Variants in ADAMTS3 observed in about 807,000 individuals in gnomAD.
ADAMTS3 encodes ADAM metallopeptidase with thrombospondin type 1 motif 3, also known as A disintegrin and metalloproteinase with thrombospondin motifs 3.
A neutral mutation model predicts 129.0 loss-of-function variants in ADAMTS3; 73 were observed. That is an observed-to-expected ratio of 0.57 (90% CI 0.47 to 0.69). The LOEUF is 0.69. Among genes scored for constraint, ADAMTS3 ranks in the 30% least tolerant of loss-of-function variants. The pLI is 0.00. For synonymous variants in ADAMTS3, 477 were observed against 510.8 expected (o/e 0.93, Z 0.89); for missense variants, 1,457 against 1,514.5 (o/e 0.96, Z 0.63).
intron 11 of ADAMTS3, among the ~76,000 whole-genome samples, chr4:72,314,586 T>C (rs1467513758): frequency 3.3e-5 from 5 of 152,322 alleles, no homozygotes. Context: ...TCAACTTCTA[T>C]AAATTTCAAT....
intron 3 of ADAMTS3, among the ~76,000 whole-genome samples, chr4:72,467,472 A>C (rs1718953005): frequency 6.6e-6 from 1 of 152,076 alleles, no homozygotes; most frequent in South Asian, 2.1e-4. Context: ...GCTTGTTAAT[A>C]TACATTCAAG....
intron 3 of ADAMTS3, among the ~76,000 whole-genome samples, chr4:72,518,944 A>G (rs1473714051): frequency 6.6e-6 from 1 of 152,066 alleles, no homozygotes; most frequent in Non-Finnish European, 1.5e-5. Flanking sequence ...AATGGTCTTT[A>G]CATTTTGGCA....
chr4:72,534,113 G>A (rs563378658), intron 3 of ADAMTS3, among the ~76,000 whole-genome samples: 83 of 152,270 alleles, frequency 5.5e-4, no homozygotes, highest in African/African-American at 1.9e-3. Context: ...GGATCGCGAG[G>A]TCGAGAGATC....
At chr4:72,363,102 G>A (rs1720770469) in intron 4 of ADAMTS3, among the ~76,000 whole-genome samples, 1 of 151,936 alleles carries the variant, frequency 6.6e-6, no homozygotes, top group Non-Finnish European at 1.5e-5. Flanking sequence ...ATGATAATGG[G>A]AATACAAAAA....
intron 4 of ADAMTS3, among the ~76,000 whole-genome samples, chr4:72,372,755 T>C (rs1035218173): frequency 1.3e-5 from 2 of 152,018 alleles, no homozygotes; most frequent in African/African-American, 4.8e-5. Flanking sequence ...ACAAAATATA[T>C]GCAGTACTTG....
Position 72,319,443 on chromosome 4 carries a change from C to T in ADAMTS3, c.1241G>A (p.Arg414Lys). Residue 414 changes from arginine to lysine, a missense_variant, in exon 9 of 22, where the codon AGG becomes AAG. By Grantham distance (26) the Arg-to-Lys change is conservative (BLOSUM62 2). Transcript: ENST00000286657. Reference sequence around the variant, plus strand: ...TCCCATAGCAGTCTCATCACCACACCTGTTGCCTTGTCCATCATGCTCCAT... The same window carrying T: ...TCCCATAGCAGTCTCATCACCACACTTGTTGCCTTGTCCATCATGCTCCAT... ...LGMEHDGQGN[R>K]CGDETAMGSV... 6.2e-7 allele frequency: 1 copy of T among 1,613,884 alleles called. No individual in the cohort carries two copies. Among genetic ancestry groups the T allele is most frequent in the Non-Finnish European group, 8.5e-7 (1 of 1,179,900 alleles).
intron 19 of ADAMTS3, among the ~76,000 whole-genome samples, chr4:72,292,335 A>G (rs959620114): frequency 1.3e-5 from 2 of 152,204 alleles, no homozygotes; most frequent in Non-Finnish European, 2.9e-5. Flanking sequence ...ATTTTAACTG[A>G]TATGACTGTT....
At chr4:72,560,954 TTAAAC>T (rs139320746) in intron 2 of ADAMTS3, among the ~76,000 whole-genome samples, 3,185 of 152,270 alleles carry the variant, frequency 0.021, 101 homozygotes, top group African/African-American at 0.073. Flanking sequence ...AGTTAGGACT[TTAAAC>T]TACTCAGTCA....
chr4:72,290,798 T>G (rs1332233334), intron 20 of ADAMTS3, 57 bp downstream of exon 20: 33 of 1,551,888 alleles, frequency 2.1e-5, no homozygotes, highest in African/African-American at 2.7e-5. Flanking sequence ...AATTAAAATA[T>G]CTACACATGC....
intron 4 of ADAMTS3, among the ~76,000 whole-genome samples, chr4:72,396,274 G>A (rs1027189895): frequency 5.9e-5 from 9 of 152,248 alleles, no homozygotes; most frequent in East Asian, 5.8e-4. Flanking sequence ...TAACAGCACA[G>A]TTTTCTCATC....
At position 72,283,189 on chromosome 4, in the gene ADAMTS3, C is replaced by T; in HGVS notation, c.3565G>A (p.Gly1189Arg). The part of the protein sequence containing the change: ...SSQARTSKKD[G>R]KIIDNRRPTR... ...GGACGTCTGTTGTCAATGATCTTTCCATCTTTCTTTGAGGTTCTTGCCTGA... is the reference window on the plus strand; with the variant it reads ...GGACGTCTGTTGTCAATGATCTTTCTATCTTTCTTTGAGGTTCTTGCCTGA... Residue 1189 changes from glycine to arginine, a missense_variant, in exon 22 of 22, where the codon GGA becomes AGA. Coordinates refer to ENST00000286657, the MANE Select transcript of ADAMTS3 (RefSeq NM_014243.3). 7 of 1,613,608 alleles carry T rather than the reference C, an allele frequency of 4.3e-6. No individual in the cohort carries two copies. The highest frequency in any genetic ancestry group is 5.9e-6 in the Non-Finnish European group (7 of 1,179,776).
At chr4:72,394,287 G>A (rs1553911808) in intron 4 of ADAMTS3, among the ~76,000 whole-genome samples, 1 of 152,062 alleles carries the variant, frequency 6.6e-6, no homozygotes, top group Non-Finnish European at 1.5e-5. Flanking sequence ...AAAACTGATG[G>A]TGCTGCTTTG....
At chr4:72,461,227 G>C (rs1259850420) in intron 3 of ADAMTS3, among the ~76,000 whole-genome samples, 2 of 151,392 alleles carry the variant, frequency 1.3e-5, no homozygotes, top group African/African-American at 4.8e-5. Context: ...ATAAAAATAT[G>C]AAATAAAAAA....
At chr4:72,371,668 T>A (rs1721011321) in intron 4 of ADAMTS3, among the ~76,000 whole-genome samples, 1 of 151,910 alleles carries the variant, frequency 6.6e-6, no homozygotes, top group Non-Finnish European at 1.5e-5. Flanking sequence ...AAAATTAAAC[T>A]GAGAAAACAG....
chr4:72,309,601 G>T, intron 14 of ADAMTS3, 81 bp from the exon 15 acceptor site: 1 of 1,516,014 alleles, frequency 6.6e-7, no homozygotes, highest in Non-Finnish European at 9.0e-7. Context: ...TGAACCCTTT[G>T]TTCAGTCATG....
Position 72,283,384 on chromosome 4 carries a change from G to A in ADAMTS3, c.3370C>T (p.Pro1124Ser), listed in dbSNP as rs779614342. The change falls in exon 22 of 22, where the codon CCT becomes TCT. Residue 1124 changes from proline (P) to serine (S), a missense_variant. Pro to Ser is a moderately conservative substitution (Grantham distance 74). Transcript: ENST00000286657. ...AYAAFRPNSK[P>S]DGANLRQRSA... ...CTCTGGCGTAAATTAGCACCATCAG[G>A]TTTACTGTTTGGCCTGAAAGCAGCA... The A allele has an allele frequency of 2.7e-5, 43 of 1,613,580 alleles. 1 individual carries two copies. Among genetic ancestry groups the A allele is most frequent in the East Asian group, 1.1e-4 (5 of 44,842 alleles).
chr4:72,375,129 A>G (rs772558986), intron 4 of ADAMTS3, among the ~76,000 whole-genome samples: 1 of 152,084 alleles, frequency 6.6e-6, no homozygotes, highest in Non-Finnish European at 1.5e-5. Context: ...CATTTCTAGC[A>G]TTATCTCACC....
chr4:72,371,343 T>TA (rs879725777), intron 4 of ADAMTS3, among the ~76,000 whole-genome samples: 6 of 150,776 alleles, frequency 4.0e-5, no homozygotes, highest in African/African-American at 9.8e-5. Flanking sequence ...AAGGTTAAAA[T>TA]AAAAAAATTA....
intron 3 of ADAMTS3, among the ~76,000 whole-genome samples, chr4:72,463,193 T>C (rs938686073): frequency 1.3e-5 from 2 of 152,132 alleles, no homozygotes; most frequent in South Asian, 2.1e-4. Flanking sequence ...CTAGGATCAA[T>C]AGACTATAAG....
Sources: gnomAD v4.1 joint callset for allele counts (sites outside exome capture counted in the v4.1 genomes callset) on GRCh38, gnomAD v4.1.1 for gene constraint, MANE v1.5 for transcripts, NCBI Gene and HGNC (gene_info 2026-07-23, HGNC 2026-07-21) for gene names.